Variants in PHF21B observed in about 807,000 individuals in gnomAD.
PHF21B encodes PHD finger protein 4.
A neutral mutation model predicts 62.2 loss-of-function variants in PHF21B; 22 were observed. That is an observed-to-expected ratio of 0.35 (90% confidence interval 0.25 to 0.51). The LOEUF (loss-of-function observed/expected upper bound fraction) is 0.51. Among genes scored for constraint, PHF21B ranks in the 20% least tolerant of loss-of-function variants. The pLI is 0.97. For synonymous variants in PHF21B, 341 were observed against 314.7 expected (o/e 1.08, Z -0.88); for missense variants, 701 against 707.9 (o/e 0.99, Z 0.11).
At chr22:44,889,895 G>A (rs2070930242) in intron 8 of PHF21B, 113 bp from the exon 9 acceptor site, 3 of 1,173,848 alleles carry the variant, frequency 2.6e-6, no homozygotes, top group African/African-American at 3.2e-5. Context: ...AGGGCATGAT[G>A]GGAGCATCAT....
At chr22:44,923,073 C>G (rs769876730) in intron 2 of PHF21B, among the ~76,000 whole-genome samples, 14 of 152,108 alleles carry the variant, frequency 9.2e-5, no homozygotes, top group Non-Finnish European at 1.9e-4. Context: ...TTAACATTAT[C>G]TGACTCCAAG....
chr22:44,926,103 AT>A (rs2071625469), intron 2 of PHF21B, among the ~76,000 whole-genome samples: 1 of 66,896 alleles, frequency 1.5e-5, no homozygotes. Flanking sequence ...GAAGGCCCAC[AT>A]GCCACGTCCC....
chr22:44,920,250 G>A (rs1039105006), intron 3 of PHF21B, 148 bp downstream of exon 3: 1 of 484,678 alleles, frequency 2.1e-6, no homozygotes, highest in Non-Finnish European at 3.6e-6. Context: ...AGAATGGATA[G>A]AAGAGGTAAG....
At chr22:44,982,220 C>G in intron 2 of PHF21B, among the ~76,000 whole-genome samples, 1 of 152,352 alleles carries the variant, frequency 6.6e-6, no homozygotes, top group South Asian at 2.1e-4. Flanking sequence ...CCTCTGCTGC[C>G]TATCAGCTTC....
Position 44,975,332 on chromosome 22 carries a change from T to G in PHF21B, c.120+33213A>C, listed in dbSNP as rs555009011. On this transcript the variant is annotated intron_variant, in intron 2 of 12. Coordinates refer to ENST00000313237, the MANE Select transcript of PHF21B (RefSeq NM_138415.5). The stretch of plus-strand genomic sequence containing the variant: ...ACTCCCCCTCTGGCCACCGTGACAC[T>G]GTTCCTTCCGGAGCAGGAAGCGCCT... Among the ~76,000 whole-genome samples, 48 of 152,164 alleles carry G rather than the reference T, an allele frequency of 3.2e-4. No individual in the cohort carries two copies. In the South Asian group the frequency reaches 9.6e-3, roughly 30 times the overall value.
intron 2 of PHF21B, among the ~76,000 whole-genome samples, chr22:44,952,017 T>C (rs1317299691): frequency 6.6e-6 from 1 of 152,228 alleles, no homozygotes; most frequent in Non-Finnish European, 1.5e-5. Flanking sequence ...TTCTCTGTGA[T>C]GGTGCTCACT....
At position 45,008,923 on chromosome 22, in the gene PHF21B, T is replaced by A. The variant is rs8136477; in HGVS notation, c.55-313A>T. The stretch of plus-strand genomic sequence containing the variant: ...GCGAGTGAGTGTGAGTGTGAGTGTG[T>A]GCCGGGGGAGGGGGGAGGAACAAAG... On this transcript the variant is annotated intron_variant, in intron 1 of 12. Transcript: ENST00000313237. The A allele has an allele frequency of 9.0e-6, 10 of 1,113,072 alleles. No individual in the cohort carries two copies. In the African/African-American group the frequency reaches 1.7e-4, roughly 19 times the overall value. 68.9% of individuals were successfully genotyped at this position (1,113,072 alleles called of 1,614,324 possible).
intron 2 of PHF21B, among the ~76,000 whole-genome samples, chr22:44,964,116 T>C (rs1397512653): frequency 2.0e-5 from 3 of 152,234 alleles, no homozygotes; most frequent in Non-Finnish European, 4.4e-5. Flanking sequence ...TTCCTGGGGC[T>C]GTGGGGAAGA....
At chr22:44,999,594 C>T (rs2073177468) in intron 2 of PHF21B, among the ~76,000 whole-genome samples, 4 of 152,144 alleles carry the variant, frequency 2.6e-5, no homozygotes, top group African/African-American at 7.2e-5. Flanking sequence ...TCTCCAACAT[C>T]GTAACTCCAC....
chr22:44,944,316 T>G (rs1313866140), intron 2 of PHF21B, among the ~76,000 whole-genome samples: 1 of 152,158 alleles, frequency 6.6e-6, no homozygotes, highest in Non-Finnish European at 1.5e-5. Flanking sequence ...TTCTGGGGCC[T>G]CAAGGTGCCA....
At chr22:44,900,417 C>A (rs1445302153) in intron 5 of PHF21B, among the ~76,000 whole-genome samples, 2 of 152,162 alleles carry the variant, frequency 1.3e-5, no homozygotes, top group Non-Finnish European at 2.9e-5. Context: ...TCTCCTGCCT[C>A]AGTCTCCCGA....
At chr22:44,920,670 G>A (rs1218666354) in intron 2 of PHF21B, among the ~76,000 whole-genome samples, 180 bp from the exon 3 acceptor site, 1 of 152,162 alleles carries the variant, frequency 6.6e-6, no homozygotes, top group Non-Finnish European at 1.5e-5. Context: ...AGAAAGTTTG[G>A]AAACTAGAGA....
At chr22:44,991,727 C>T (rs888083337) in intron 2 of PHF21B, among the ~76,000 whole-genome samples, 2 of 152,216 alleles carry the variant, frequency 1.3e-5, no homozygotes, top group African/African-American at 4.8e-5. Flanking sequence ...CGCTGGCCTC[C>T]CTCCACTGGC....
chr22:45,003,834 C>G (rs961806918), intron 2 of PHF21B, among the ~76,000 whole-genome samples: 5 of 152,102 alleles, frequency 3.3e-5, no homozygotes, highest in African/African-American at 1.2e-4. Flanking sequence ...AGTGCTGATA[C>G]GTGCTACAAC....
intron 2 of PHF21B, among the ~76,000 whole-genome samples, chr22:44,934,788 T>C (rs773116631): frequency 5.0e-4 from 76 of 152,344 alleles, no homozygotes; most frequent in Non-Finnish European, 6.6e-4. Flanking sequence ...CACCCACTTC[T>C]GCAAAGTGTC....
intron 12 of PHF21B, among the ~76,000 whole-genome samples, chr22:44,883,996 CCAT>C (rs754688923): frequency 6.6e-6 from 1 of 150,836 alleles, no homozygotes; most frequent in Non-Finnish European, 1.5e-5. Flanking sequence ...ATCACCACCA[CCAT>C]GATCACCATT....
At chr22:44,934,786 T>C (rs941418174) in intron 2 of PHF21B, among the ~76,000 whole-genome samples, 1 of 152,148 alleles carries the variant, frequency 6.6e-6, no homozygotes, top group Non-Finnish European at 1.5e-5. Context: ...TGCACCCACT[T>C]CTGCAAAGTG....
At position 45,009,493 on chromosome 22, in the gene PHF21B, T is replaced by C; in HGVS notation, c.54+3A>G. The C allele has an allele frequency of 6.5e-7, 1 of 1,544,990 alleles. No individual in the cohort carries two copies. The highest frequency in any genetic ancestry group is 8.7e-7 in the Non-Finnish European group (1 of 1,153,626). On this transcript the variant is annotated splice_donor_region_variant and intron_variant, in intron 1 of 12. Transcript: ENST00000313237. This position sits in a 1 kb window ranked among gnomAD's most constrained non-coding sequence, Gnocchi z 5.9. ...GCCCCGGGCCCGGCCCCCGGCCACCTACCTGGTGGCGCGCGAGTTCCACGG... is the reference window on the plus strand; with the variant it reads ...GCCCCGGGCCCGGCCCCCGGCCACCCACCTGGTGGCGCGCGAGTTCCACGG...
intron 2 of PHF21B, among the ~76,000 whole-genome samples, chr22:44,955,518 C>T (rs762091850): frequency 5.3e-5 from 8 of 152,182 alleles, no homozygotes; most frequent in African/African-American, 1.7e-4. Flanking sequence ...GCCACCAATT[C>T]GGGTGGGCAT....
Sources: allele counts gnomAD v4.1 joint callset (sites outside exome capture counted in the v4.1 genomes callset), GRCh38; gene constraint gnomAD v4.1.1; non-coding constraint Gnocchi (gnomAD v3.1); transcripts MANE v1.5; gene names NCBI Gene and HGNC (gene_info 2026-07-23, HGNC 2026-07-21).